Variants in PPARGC1B observed in about 807,000 individuals in gnomAD.
The protein encoded by PPARGC1B is PPARG coactivator 1 beta.
PPARGC1B carries 34 observed loss-of-function variants against 101.6 expected under a neutral mutation model. The ratio of observed to expected loss-of-function variants is 0.33; its 90% CI spans 0.25 to 0.45. PPARGC1B has a LOEUF of 0.45. PPARGC1B is among the 20% of genes least tolerant of loss of function. The pLI, the probability that PPARGC1B is intolerant of heterozygous loss-of-function variation, is 1.00. For missense variants in PPARGC1B, 1,234 were observed against 1,317.6 expected, an observed-to-expected ratio of 0.94 and a Z score of 0.98; for synonymous variants, 548 against 539.3, an observed-to-expected ratio of 1.02 and a Z score of -0.22.
At chr5:149,804,500 C>T (rs894938036) in intron 1 of PPARGC1B, among the ~76,000 whole-genome samples, 1 of 152,156 alleles carries the variant, frequency 6.6e-6, no homozygotes, top group African/African-American at 2.4e-5. Context: ...ATGGCGAAAC[C>T]CCATCTCTAC....
chr5:149,845,238 A>G (rs1759506009), intron 10 of PPARGC1B, among the ~76,000 whole-genome samples: 1 of 152,246 alleles, frequency 6.6e-6, no homozygotes, highest in African/African-American at 2.4e-5. Flanking sequence ...GTGAAGGCCA[A>G]GATGGCAGCC....
At chr5:149,856,951 A>C (rs1452108373), downstream of PPARGC1B, among the ~76,000 whole-genome samples, 1 of 151,984 alleles carries the variant, frequency 6.6e-6, no homozygotes, top group African/African-American at 2.4e-5. Context: ...TTGTATTTTT[A>C]GTAGAGACAG....
intron 1 of PPARGC1B, among the ~76,000 whole-genome samples, chr5:149,755,448 G>C (rs1226492740): frequency 6.6e-6 from 1 of 151,944 alleles, no homozygotes; most frequent in African/African-American, 2.4e-5. Flanking sequence ...CAATACTTCA[G>C]AGCTGAAAGA....
intron 1 of PPARGC1B, among the ~76,000 whole-genome samples, chr5:149,795,454 A>G (rs1426417210): frequency 6.6e-6 from 1 of 152,206 alleles, no homozygotes; most frequent in East Asian, 1.9e-4. Flanking sequence ...TAAATCCCAG[A>G]CGTCTAGTCT....
chr5:149,830,125 C>T (rs1758717928), intron 3 of PPARGC1B, among the ~76,000 whole-genome samples: 1 of 150,300 alleles, frequency 6.7e-6, no homozygotes, highest in African/African-American at 2.5e-5. Context: ...TGAAAGCCCA[C>T]CTCATGATAG....
chr5:149,842,154 G>GCAT, intron 9 of PPARGC1B, 102 bp from the exon 10 acceptor site: 1 of 1,439,364 alleles, frequency 6.9e-7, no homozygotes, highest in South Asian at 1.3e-5. Flanking sequence ...ACTCAGCCAG[G>GCAT]CATCATGGAC....
chr5:149,826,990 C>T lies in PPARGC1B; in HGVS notation c.465+105C>T, dbSNP rs867012655. ...TCCGCTCCAGCCCCGCAGGGGACTC[C>T]GTGCATCACTGGCAATATTGATCAC... On this transcript the variant is annotated intron_variant, in intron 3 of 11. Transcript: ENST00000309241. 5.8e-5 allele frequency: 51 copies of T among 874,738 alleles called. 1 individual carries two copies. The highest frequency in any genetic ancestry group is 3.7e-4 in the Middle Eastern group (1 of 2,738). The allele number at this position is 874,738 out of a possible 1,614,324, so 54.2% of individuals were successfully genotyped here. A position where few individuals can be genotyped will look rare whatever the true frequency, so the allele number is the denominator to read the frequency against.
At chr5:149,855,291 C>T (rs535933588), downstream of PPARGC1B, among the ~76,000 whole-genome samples, 2 of 151,828 alleles carry the variant, frequency 1.3e-5, no homozygotes, top group African/African-American at 4.8e-5. Context: ...TAGTGAGACC[C>T]CCATCTCTGA....
In PPARGC1B at chr5:149,836,475, C is replaced by A. The variant is rs376773742; in HGVS notation, c.2020C>A (p.Gln674Lys). Residue 674 changes from glutamine (Q) to lysine (K), a missense_variant, in exon 8 of 12, where the codon CAG becomes AAG. Transcript: ENST00000309241. The part of the protein sequence containing the change: ...LLSHLRHATA[Q>K]PASQAGQKRP... ...GTCCCACCTGCGACATGCCACAGCC[C>A]AGCCAGCCTCCCAGGCTGGCCAGAA... 3.7e-6 allele frequency: 6 copies of A among 1,613,932 alleles called. No individual in the cohort carries two copies. The African/African-American group carries it at 8.0e-5, about 22-fold the overall frequency.
intron 1 of PPARGC1B, among the ~76,000 whole-genome samples, chr5:149,797,962 G>T (rs896945829): frequency 4.6e-5 from 7 of 151,934 alleles, no homozygotes; most frequent in African/African-American, 9.7e-5. Flanking sequence ...TTTATTTTAT[G>T]CATTCATAAA....
intron 1 of PPARGC1B, among the ~76,000 whole-genome samples, chr5:149,811,953 C>T (rs577367739): frequency 1.3e-5 from 2 of 152,346 alleles, no homozygotes; most frequent in East Asian, 1.9e-4. Context: ...CACTGGACCC[C>T]ATCTTCTTCT....
intron 11 of PPARGC1B, 168 bp from the exon 12 acceptor site, chr5:149,847,290 A>G: frequency 1.3e-6 from 1 of 750,612 alleles, no homozygotes; most frequent in South Asian, 1.4e-5. Context: ...ATGTCCCAGC[A>G]GGATGGCAGG....
chr5:149,763,401 G>A (rs1390096643), intron 1 of PPARGC1B, among the ~76,000 whole-genome samples: 1 of 152,150 alleles, frequency 6.6e-6, no homozygotes, highest in African/African-American at 2.4e-5. Context: ...GGCAGGGGGA[G>A]GTGTTTGGAG....
chr5:149,789,247 A>G (rs372270970), intron 1 of PPARGC1B, among the ~76,000 whole-genome samples: 18 of 152,158 alleles, frequency 1.2e-4, no homozygotes, highest in African/African-American at 4.1e-4. Flanking sequence ...CAGCTCTCTT[A>G]CTTTAGACAT....
chr5:149,855,798 A>T (rs1022099509), downstream of PPARGC1B, among the ~76,000 whole-genome samples: 1 of 152,168 alleles, frequency 6.6e-6, no homozygotes, highest in African/African-American at 2.4e-5. Flanking sequence ...CAAAGGGTTG[A>T]AACACTGGCA....
intron 1 of PPARGC1B, among the ~76,000 whole-genome samples, chr5:149,748,279 G>A (rs1755156820): frequency 6.8e-6 from 1 of 147,214 alleles, no homozygotes; most frequent in African/African-American, 2.6e-5. Flanking sequence ...CTGTGAAATG[G>A]GGTGAAGAGA....
chr5:149,771,444 G>C lies in PPARGC1B; in HGVS notation c.78+41024G>C, dbSNP rs935698163. Among the ~76,000 whole-genome samples, 9 of 152,350 alleles carry C rather than the reference G, an allele frequency of 5.9e-5. No homozygotes were observed. In the South Asian group the frequency reaches 8.3e-4, roughly 14 times the overall value. On this transcript the variant is annotated intron_variant, in intron 1 of 11. Coordinates refer to ENST00000309241, the MANE Select transcript of PPARGC1B (RefSeq NM_133263.4). ...AGGGAACTGCTGGAGGAGGGCCAGA[G>C]TGATGCCCCTGAAGGGCCAAGCTGA...
downstream of PPARGC1B, among the ~76,000 whole-genome samples, chr5:149,855,974 C>T (rs1023957030): frequency 5.3e-5 from 8 of 151,840 alleles, no homozygotes; most frequent in South Asian, 6.3e-4. Flanking sequence ...AAAATTAGCC[C>T]GGCGTGGTGA....
At chr5:149,751,718 A>G (rs1055049171) in intron 1 of PPARGC1B, among the ~76,000 whole-genome samples, 7 of 151,970 alleles carry the variant, frequency 4.6e-5, no homozygotes, top group African/African-American at 1.2e-4. Context: ...AGAAAAAAAA[A>G]AAAAGAAAAG....
Sources: allele counts gnomAD v4.1 joint callset (sites outside exome capture counted in the v4.1 genomes callset), GRCh38; gene constraint gnomAD v4.1.1; transcripts MANE v1.5; gene names NCBI Gene and HGNC (gene_info 2026-07-23, HGNC 2026-07-21).